The following FSTL5 variants were observed in gnomAD, a reference collection of about 807,000 sequenced individuals.
FSTL5 encodes follistatin like 5.
A neutral mutation model predicts 89.1 loss-of-function variants in FSTL5; 62 were observed. That is an observed-to-expected ratio of 0.70 (90% CI 0.57 to 0.86). The LOEUF (loss-of-function observed/expected upper bound fraction) is 0.86. Ranked by LOEUF, FSTL5 falls within the 40% of genes least tolerant of loss-of-function variation. The probability of loss-of-function intolerance (pLI) is 0.00; values close to 1 mark genes in which losing one functional copy is unlikely to be tolerated. For synonymous variants in FSTL5, 383 were observed against 346.2 expected (o/e 1.11, Z -1.18); for missense variants, 1,057 against 1,001.6 (o/e 1.06, Z -0.75).
At chr4:162,111,947 T>G (rs1372919126) in intron 1 of FSTL5, among the ~76,000 whole-genome samples, 1 of 152,216 alleles carries the variant, frequency 6.6e-6, no homozygotes, top group Non-Finnish European at 1.5e-5. Context: ...TAGTTATTAA[T>G]GTACTTTTTC....
rs934544145 is a variant in FSTL5, at chr4:161,619,513, T to A, written c.895-31938A>T. Among the ~76,000 whole-genome samples the A allele has an allele frequency of 3.7e-4, 56 of 152,118 alleles. No homozygotes were observed. The South Asian group carries it at 4.6e-3, about 12-fold the overall frequency. ...TTACAAGAAAAAAACAAACAACCCC[T>A]TCAAAAAGTGGGCGAAGGACATGAA... On this transcript the variant is annotated intron_variant, in intron 7 of 15. Transcript: ENST00000306100.
intron 15 of FSTL5, among the ~76,000 whole-genome samples, chr4:161,453,168 A>G (rs1430170274): frequency 1.3e-5 from 2 of 152,180 alleles, no homozygotes; most frequent in Non-Finnish European, 2.9e-5. Flanking sequence ...ACTATACACA[A>G]TTATACCTAG....
At chr4:161,951,873 T>C (rs1734905840) in intron 3 of FSTL5, among the ~76,000 whole-genome samples, 1 of 152,006 alleles carries the variant, frequency 6.6e-6, no homozygotes, top group Non-Finnish European at 1.5e-5. Flanking sequence ...CAAATTTTTG[T>C]ATGAATATCT....
At chr4:161,874,566 A>ATTTTTTTTTTTTTTTTTTTATTTTTT (rs375519679) in intron 4 of FSTL5, among the ~76,000 whole-genome samples, 1 of 135,670 alleles carries the variant, frequency 7.4e-6, no homozygotes, top group Non-Finnish European at 1.6e-5. Flanking sequence ...TATATTTTAG[A>ATTTTTTTTTTTTTTTTTTTATTTTTT]TTTTTTTTTT....
intron 4 of FSTL5, among the ~76,000 whole-genome samples, chr4:161,787,231 T>A (rs773783514): frequency 1.2e-4 from 19 of 152,052 alleles, no homozygotes; most frequent in Non-Finnish European, 2.6e-4. Context: ...TGGAATATCC[T>A]GGTAGAGGCC....
chr4:161,910,662 T>C (rs1733663845), intron 4 of FSTL5, among the ~76,000 whole-genome samples: 2 of 152,134 alleles, frequency 1.3e-5, no homozygotes, highest in Non-Finnish European at 2.9e-5. Context: ...ACTTCTGTCA[T>C]CTTAATTGAA....
chr4:161,643,656 T>G (rs143100743), intron 7 of FSTL5, among the ~76,000 whole-genome samples: 1,535 of 152,280 alleles, frequency 0.01, 14 homozygotes, highest in South Asian at 0.027. Flanking sequence ...TCTTGCCTAC[T>G]CTATTGCATA....
intron 15 of FSTL5, among the ~76,000 whole-genome samples, chr4:161,396,325 TA>T (rs1730997058): frequency 6.6e-6 from 1 of 151,852 alleles, no homozygotes; most frequent in Admixed American, 6.6e-5. Context: ...AATATTTCTT[TA>T]AAATGTAGGA....
chr4:161,604,152 T>C (rs1044922430), intron 7 of FSTL5, among the ~76,000 whole-genome samples: 2 of 152,176 alleles, frequency 1.3e-5, no homozygotes, highest in Non-Finnish European at 1.5e-5. Flanking sequence ...ATTTTGATAA[T>C]CATCTTTTCA....
chr4:161,516,677 A>T (rs1730846376), intron 10 of FSTL5, among the ~76,000 whole-genome samples: 1 of 142,834 alleles, frequency 7.0e-6, no homozygotes, highest in Non-Finnish European at 1.5e-5. Context: ...CACACTAAGT[A>T]TATATGTATA....
At chr4:162,064,564 A>C (rs1433498796) in intron 2 of FSTL5, among the ~76,000 whole-genome samples, 1 of 152,020 alleles carries the variant, frequency 6.6e-6, no homozygotes, top group Non-Finnish European at 1.5e-5. Flanking sequence ...CTTCAAACTC[A>C]TACTAAAACA....
chr4:161,450,782 G>C (rs1281329011), intron 15 of FSTL5, among the ~76,000 whole-genome samples: 1 of 122,508 alleles, frequency 8.2e-6, no homozygotes, highest in Non-Finnish European at 1.6e-5. Flanking sequence ...TCACTCTGTT[G>C]CCCAGACTAG....
chr4:161,900,731 C>G (rs1226441836), intron 4 of FSTL5, among the ~76,000 whole-genome samples: 1 of 149,658 alleles, frequency 6.7e-6, no homozygotes, highest in Non-Finnish European at 1.5e-5. Flanking sequence ...TGCCAAGGTG[C>G]CTGAATATAC....
At chr4:161,721,619 C>T (rs747014367) in intron 6 of FSTL5, among the ~76,000 whole-genome samples, 1 of 152,168 alleles carries the variant, frequency 6.6e-6, no homozygotes, top group Non-Finnish European at 1.5e-5. Flanking sequence ...CAGGCTCCCC[C>T]ACTTCCTATG....
At chr4:161,992,878 A>ATG (rs1307342323) in intron 3 of FSTL5, among the ~76,000 whole-genome samples, 3 of 15,568 alleles carry the variant, frequency 1.9e-4, no homozygotes, top group African/African-American at 3.8e-4. Context: ...ATATATATAT[A>ATG]TATATATATA....
intron 3 of FSTL5, among the ~76,000 whole-genome samples, chr4:161,984,455 A>G (rs1735907577): frequency 6.6e-6 from 1 of 152,070 alleles, no homozygotes; most frequent in Admixed American, 6.6e-5. Context: ...TATTCTCCCA[A>G]TTGGTGCAAG....
chr4:161,652,432 T>C (rs974703231), intron 7 of FSTL5, among the ~76,000 whole-genome samples: 5 of 151,964 alleles, frequency 3.3e-5, no homozygotes, highest in African/African-American at 1.2e-4. Flanking sequence ...AGACCATCTA[T>C]AGGACAAACA....
At chr4:161,502,859 G>A (rs1052567562) in intron 11 of FSTL5, among the ~76,000 whole-genome samples, 2 of 151,804 alleles carry the variant, frequency 1.3e-5, no homozygotes, top group Non-Finnish European at 3.0e-5. Context: ...TGATGGAGAT[G>A]TTGGAAACTG....
intron 7 of FSTL5, among the ~76,000 whole-genome samples, chr4:161,617,887 G>C (rs1578971060): frequency 1.3e-5 from 2 of 152,138 alleles, no homozygotes; most frequent in African/African-American, 4.8e-5. Flanking sequence ...AATGGGGATG[G>C]CACTGAATCT....
Sources: gnomAD v4.1 joint callset for allele counts (sites outside exome capture counted in the v4.1 genomes callset) on GRCh38, gnomAD v4.1.1 for gene constraint, MANE v1.5 for transcripts, NCBI Gene and HGNC (gene_info 2026-07-23, HGNC 2026-07-21) for gene names.